The following DAB1 variants were observed in gnomAD, a reference collection of about 807,000 sequenced individuals.
DAB1 encodes DAB adaptor protein 1.
A neutral mutation model predicts 64.6 loss-of-function variants in DAB1; 15 were observed. That is an observed-to-expected ratio of 0.23 (90% CI 0.16 to 0.36). The LOEUF is 0.36. Among genes scored for constraint, DAB1 ranks in the 10% least tolerant of loss-of-function variants. The pLI, the probability that DAB1 is intolerant of heterozygous loss-of-function variation, is 1.00. For missense variants in DAB1, 596 were observed against 706.7 expected, an observed-to-expected ratio of 0.84 and a Z score of 1.78; for synonymous variants, 235 against 251.9, an observed-to-expected ratio of 0.93 and a Z score of 0.64.
intron 4 of DAB1, among the ~76,000 whole-genome samples, chr1:58,163,668 G>C (rs1655666908): frequency 6.6e-6 from 1 of 152,142 alleles, no homozygotes; most frequent in African/African-American, 2.4e-5. Context: ...TTTCTGCCAG[G>C]TAAATGTGGA....
chr1:57,378,886 A>T (rs1681127753), intron 1 of DAB1, among the ~76,000 whole-genome samples: 1 of 152,178 alleles, frequency 6.6e-6, no homozygotes, highest in Non-Finnish European at 1.5e-5. Flanking sequence ...TACTAAAAAA[A>T]CTGTTGCTAC....
At chr1:57,264,697 C>G (rs553680422) in intron 2 of DAB1, among the ~76,000 whole-genome samples, 31 of 152,098 alleles carry the variant, frequency 2.0e-4, no homozygotes, top group Admixed American at 9.2e-4. Flanking sequence ...CGTGATCTCC[C>G]CACCCTCCCA....
chr1:58,012,917 G>A (rs1303619702), intron 5 of DAB1, among the ~76,000 whole-genome samples: 1 of 152,204 alleles, frequency 6.6e-6, no homozygotes, highest in Admixed American at 6.5e-5. Context: ...AGAGTTTAGA[G>A]ATCAGATCTT....
intron 1 of DAB1, among the ~76,000 whole-genome samples, chr1:57,362,209 T>C (rs975575522): frequency 6.6e-6 from 1 of 152,194 alleles, no homozygotes; most frequent in African/African-American, 2.4e-5. Flanking sequence ...ATTTTTCTCA[T>C]CTGTAAATGA....
At chr1:57,577,021 C>A (rs1645257962) in intron 7 of DAB1, among the ~76,000 whole-genome samples, 1 of 152,202 alleles carries the variant, frequency 6.6e-6, no homozygotes, top group Non-Finnish European at 1.5e-5. Flanking sequence ...TTGCAGCTAG[C>A]ACCTTCCGTG....
intron 3 of DAB1, among the ~76,000 whole-genome samples, chr1:58,439,386 A>AAAGG (rs2100262868): frequency 6.6e-6 from 1 of 152,266 alleles, no homozygotes; most frequent in East Asian, 1.9e-4. Flanking sequence ...TTCAGTAAAG[A>AAAGG]AACATTTATT....
intron 4 of DAB1, among the ~76,000 whole-genome samples, chr1:58,289,268 C>T (rs866233065): frequency 2.0e-5 from 3 of 152,118 alleles, no homozygotes; most frequent in African/African-American, 7.2e-5. Flanking sequence ...AGTGTATCCT[C>T]TTAGCATCTC....
chr1:58,336,536 A>G (rs896706560), intron 4 of DAB1, among the ~76,000 whole-genome samples: 9 of 152,220 alleles, frequency 5.9e-5, no homozygotes, highest in African/African-American at 1.9e-4. Flanking sequence ...TATGATTCCC[A>G]TTTTGCAATG....
intron 1 of DAB1, among the ~76,000 whole-genome samples, chr1:57,301,717 G>A (rs141023032): frequency 1.3e-5 from 2 of 152,080 alleles, no homozygotes; most frequent in African/African-American, 4.8e-5. Flanking sequence ...GAACAGAACC[G>A]ACACCTGTAA....
At chr1:57,039,244 G>A (rs765812578) in intron 9 of DAB1, among the ~76,000 whole-genome samples, 6 of 152,216 alleles carry the variant, frequency 3.9e-5, no homozygotes, top group Non-Finnish European at 8.8e-5. Context: ...ATGTGGGCTT[G>A]CAGAGAGGAA....
chr1:57,931,036 G>A (rs971198112), intron 5 of DAB1, among the ~76,000 whole-genome samples: 1 of 152,020 alleles, frequency 6.6e-6, no homozygotes, highest in Non-Finnish European at 1.5e-5. Flanking sequence ...TCTGTCTATT[G>A]GTAGCTGACA....
chr1:57,488,033 AT>A (rs1444463701), intron 7 of DAB1, among the ~76,000 whole-genome samples: 1 of 152,130 alleles, frequency 6.6e-6, no homozygotes, highest in Non-Finnish European at 1.5e-5. Context: ...TATCTCAATG[AT>A]TCTATGGGTC....
At chr1:58,407,840 C>T (rs1057420086) in intron 3 of DAB1, among the ~76,000 whole-genome samples, 5 of 152,194 alleles carry the variant, frequency 3.3e-5, no homozygotes, top group African/African-American at 1.2e-4. Context: ...CACTTTCTTA[C>T]TAAAAACCCT....
At chr1:58,488,117 A>C (rs1645608504) in intron 3 of DAB1, among the ~76,000 whole-genome samples, 1 of 152,170 alleles carries the variant, frequency 6.6e-6, no homozygotes, top group Admixed American at 6.5e-5. Flanking sequence ...TTTTCTTTAA[A>C]TACAGATTTA....
chr1:57,462,085 C>T (rs752184444), intron 7 of DAB1, among the ~76,000 whole-genome samples: 1 of 151,262 alleles, frequency 6.6e-6, no homozygotes, highest in Admixed American at 6.6e-5. Flanking sequence ...TCCCAAGTAG[C>T]TGGGAGGTGC....
At chr1:57,841,698 T>A (rs1653057930) in intron 1 of DAB1, among the ~76,000 whole-genome samples, 2 of 152,122 alleles carry the variant, frequency 1.3e-5, no homozygotes, top group South Asian at 4.2e-4. Flanking sequence ...GGGTGCCACA[T>A]CTCGAGGCTG....
At chr1:58,306,376 T>G (rs1469752222) in intron 4 of DAB1, among the ~76,000 whole-genome samples, 1 of 152,194 alleles carries the variant, frequency 6.6e-6, no homozygotes, top group Admixed American at 6.5e-5. Flanking sequence ...TTTAACAGTA[T>G]GTTAAATTCA....
In DAB1 at chr1:57,061,234, G is replaced by GT. The variant is rs1432334333; in HGVS notation, c.723+1649_723+1650insA. Among the ~76,000 whole-genome samples the GT allele has an allele frequency of 5.2e-4, 79 of 151,174 alleles. 3 individuals are homozygous for GT. The highest frequency in any genetic ancestry group is 1.7e-3 in the African/African-American group (70 of 41,120). Reference sequence around the variant, plus strand: ...TTCAGAAGCCATATTTAGATGGGGGGGGGGGGTGGTTTCAAGATCCTGGAA... The same window carrying GT: ...TTCAGAAGCCATATTTAGATGGGGGGTGGGGGGTGGTTTCAAGATCCTGGAA... On this transcript the variant is annotated intron_variant, in intron 9 of 14. Coordinates refer to ENST00000371236, the MANE Select transcript of DAB1 (RefSeq NM_001365792.1).
chr1:57,855,736 C>T (rs1314441214), intron 1 of DAB1, among the ~76,000 whole-genome samples: 1 of 152,136 alleles, frequency 6.6e-6, no homozygotes, highest in Non-Finnish European at 1.5e-5. Flanking sequence ...CCATGATAGT[C>T]TTGTAGGGCC....
Sources: gnomAD v4.1 joint callset for allele counts (sites outside exome capture counted in the v4.1 genomes callset) on GRCh38, gnomAD v4.1.1 for gene constraint, MANE v1.5 for transcripts, NCBI Gene and HGNC (gene_info 2026-07-23, HGNC 2026-07-21) for gene names.